Variants in PLPPR1 observed in about 807,000 individuals in gnomAD.
The protein encoded by PLPPR1 is phospholipid phosphatase related 1.
PLPPR1 carries 10 observed loss-of-function variants against 33.1 expected under a neutral mutation model. The ratio of observed to expected loss-of-function variants is 0.30; its 90% CI spans 0.19 to 0.51. PLPPR1 has a LOEUF of 0.51. Ranked by LOEUF, PLPPR1 falls within the 20% of genes least tolerant of loss-of-function variation. The probability of loss-of-function intolerance (pLI) is 0.97; values close to 1 mark genes in which losing one functional copy is unlikely to be tolerated. For missense variants in PLPPR1, 304 were observed against 408.1 expected, an observed-to-expected ratio of 0.74 and a Z score of 2.20; for synonymous variants, 151 against 151.0, an observed-to-expected ratio of 1.00 and a Z score of 0.00.
At chr9:101,293,048 C>T (rs1828547893) in intron 4 of PLPPR1, among the ~76,000 whole-genome samples, 1 of 152,128 alleles carries the variant, frequency 6.6e-6, no homozygotes, top group African/African-American at 2.4e-5. Flanking sequence ...GTGCTGTATT[C>T]AGGAAACCCA....
Position 101,109,266 on chromosome 9 carries a change from G to A in PLPPR1, c.-45-76184G>A, listed in dbSNP as rs536814615. Among the ~76,000 whole-genome samples, 6 of 150,086 alleles carry A rather than the reference G, an allele frequency of 4.0e-5. No homozygotes were observed. In the East Asian group the frequency reaches 8.0e-4, roughly 20 times the overall value. On this transcript the variant is annotated intron_variant, in intron 1 of 7. Coordinates refer to ENST00000374874, the MANE Select transcript of PLPPR1 (RefSeq NM_207299.2). ...TGGGATTACAGGTGTGAGCCACCGC[G>A]CCCGACTGGTCCTCAGTATTTTTGA...
At chr9:101,102,210 A>G (rs1217574220) in intron 1 of PLPPR1, among the ~76,000 whole-genome samples, 1 of 121,290 alleles carries the variant, frequency 8.2e-6, no homozygotes, top group African/African-American at 3.5e-5. Flanking sequence ...TTAGTTACAT[A>G]TGTATACATG....
At chr9:101,120,225 ACTCCTGTTAGCACCTTCACTCTAGCC>A (rs1290278377) in intron 1 of PLPPR1, among the ~76,000 whole-genome samples, 1 of 152,072 alleles carries the variant, frequency 6.6e-6, no homozygotes, top group African/African-American at 2.4e-5. Context: ...TTTTATTTTT[ACTCCTGTTAGCACCTTCACTCTAGCC>A]AATGGAATCC....
At chr9:101,210,413 C>T (rs562738632) in intron 2 of PLPPR1, among the ~76,000 whole-genome samples, 38 of 152,176 alleles carry the variant, frequency 2.5e-4, no homozygotes, top group Non-Finnish European at 4.9e-4. Flanking sequence ...AAACAACAGA[C>T]TGGGAAGACA....
At chr9:101,132,565 A>G (rs1588041242) in intron 1 of PLPPR1, among the ~76,000 whole-genome samples, 1 of 152,290 alleles carries the variant, frequency 6.6e-6, no homozygotes, top group East Asian at 1.9e-4. Flanking sequence ...ATTACTTTGT[A>G]TGATACTATA....
intron 1 of PLPPR1, among the ~76,000 whole-genome samples, chr9:101,095,228 T>G (rs1830802225): frequency 6.6e-6 from 1 of 151,896 alleles, no homozygotes; most frequent in South Asian, 2.1e-4. Context: ...TTCCAAGATT[T>G]TATTTGAATA....
intron 4 of PLPPR1, among the ~76,000 whole-genome samples, chr9:101,287,018 G>A (rs951091356): frequency 2.0e-5 from 3 of 148,230 alleles, no homozygotes; most frequent in Middle Eastern, 3.2e-3. Flanking sequence ...ACAGCATGCT[G>A]TCAAGCCTTT....
chr9:101,222,592 A>G (rs1394048083), intron 2 of PLPPR1, among the ~76,000 whole-genome samples: 3 of 152,182 alleles, frequency 2.0e-5, no homozygotes, highest in Admixed American at 6.5e-5. Flanking sequence ...ACTAACAAAG[A>G]TTTAAAAGCC....
chr9:101,089,622 A>G (rs1181186055), intron 1 of PLPPR1, among the ~76,000 whole-genome samples: 1 of 152,152 alleles, frequency 6.6e-6, no homozygotes, highest in African/African-American at 2.4e-5. Context: ...TTCTTCTAAA[A>G]TGGTATTTTA....
At chr9:101,166,539 A>T (rs1025874600) in intron 1 of PLPPR1, among the ~76,000 whole-genome samples, 5 of 152,224 alleles carry the variant, frequency 3.3e-5, no homozygotes, top group Non-Finnish European at 7.3e-5. Context: ...GATAAGTGAC[A>T]TCGATGAAAG....
At chr9:101,159,801 AC>A (rs1173733880) in intron 1 of PLPPR1, among the ~76,000 whole-genome samples, 1 of 152,198 alleles carries the variant, frequency 6.6e-6, no homozygotes, top group Non-Finnish European at 1.5e-5. Flanking sequence ...ACTGATAGGT[AC>A]CCACCTGGTT....
chr9:101,284,672 C>T (rs867197715), intron 3 of PLPPR1, among the ~76,000 whole-genome samples: 49 of 152,118 alleles, frequency 3.2e-4, no homozygotes, highest in African/African-American at 1.1e-3. Context: ...AAAGGGAGAA[C>T]ATTATAAATG....
chr9:101,030,754 A>C (rs1035660370), intron 1 of PLPPR1, among the ~76,000 whole-genome samples: 3 of 151,972 alleles, frequency 2.0e-5, no homozygotes, highest in African/African-American at 7.3e-5. Flanking sequence ...GCTTCTCTTC[A>C]CTTTGAGATG....
chr9:101,197,657 CA>C (rs1826422286), intron 2 of PLPPR1, among the ~76,000 whole-genome samples: 2 of 152,242 alleles, frequency 1.3e-5, no homozygotes, highest in South Asian at 4.1e-4. Context: ...AGGTATGCAC[CA>C]AAATCAGTGT....
At chr9:101,295,571 C>T (rs1232244823) in intron 4 of PLPPR1, among the ~76,000 whole-genome samples, 6 of 150,208 alleles carry the variant, frequency 4.0e-5, no homozygotes, top group Non-Finnish European at 9.0e-5. Context: ...GCTACAGTAA[C>T]CAAAACAGCA....
intron 1 of PLPPR1, among the ~76,000 whole-genome samples, chr9:101,031,701 A>AT (rs1180973920): frequency 1.3e-5 from 2 of 152,150 alleles, no homozygotes; most frequent in Non-Finnish European, 1.5e-5. Context: ...CATGAAAGTG[A>AT]TTTTTTCCTT....
At chr9:101,125,597 A>T in intron 1 of PLPPR1, 1 of 547,992 alleles carries the variant, frequency 1.8e-6, no homozygotes, top group Non-Finnish European at 3.5e-6. Context: ...GGCCCTTGCA[A>T]ATTTCCACTC....
At position 101,227,615 on chromosome 9, in the gene PLPPR1, G is replaced by T. The variant is rs553449803; in HGVS notation, c.63+42058G>T. On this transcript the variant is annotated intron_variant, in intron 2 of 7. Coordinates refer to ENST00000374874, the MANE Select transcript of PLPPR1 (RefSeq NM_207299.2). ...CTGTCTTTAACATTTTCCTTCAAAAGAGTTTCCAAGTGAATTGTAGGCCAG... is the reference window on the plus strand; with the variant it reads ...CTGTCTTTAACATTTTCCTTCAAAATAGTTTCCAAGTGAATTGTAGGCCAG... 2.6e-5 allele frequency among the ~76,000 whole-genome samples: 4 copies of T among 152,226 alleles called. No individual in the cohort carries two copies. In the South Asian group the frequency reaches 8.3e-4, roughly 32 times the overall value.
chr9:101,038,026 A>C (rs960813581), intron 1 of PLPPR1, among the ~76,000 whole-genome samples: 1 of 152,028 alleles, frequency 6.6e-6, no homozygotes. Flanking sequence ...GTAGAAAGTA[A>C]ATATCACTCA....
Sources: gnomAD v4.1 joint callset for allele counts (sites outside exome capture counted in the v4.1 genomes callset) on GRCh38, gnomAD v4.1.1 for gene constraint, MANE v1.5 for transcripts, NCBI Gene and HGNC (gene_info 2026-07-23, HGNC 2026-07-21) for gene names.